Variants in WDR59 observed in about 807,000 individuals in gnomAD.
WDR59 encodes GATOR2 complex protein WDR59.
In WDR59, 100 loss-of-function variants were observed where a neutral mutation model predicts 131.2. The ratio of observed to expected loss-of-function variants is 0.76; its 90% CI spans 0.65 to 0.90. The LOEUF is 0.90. Among genes scored for constraint, WDR59 ranks in the 40% least tolerant of loss-of-function variants. The pLI is 0.00. For missense variants in WDR59, 1,203 were observed against 1,262.2 expected, an observed-to-expected ratio of 0.95 and a Z score of 0.71; for synonymous variants, 601 against 466.2, an observed-to-expected ratio of 1.29 and a Z score of -3.72.
At chr16:74,910,639 A>G (rs1227760460) in intron 14 of WDR59, among the ~76,000 whole-genome samples, 1 of 152,214 alleles carries the variant, frequency 6.6e-6, no homozygotes, top group Non-Finnish European at 1.5e-5. Flanking sequence ...AGTGAAAATT[A>G]TAATGTATAT....
intron 6 of WDR59, among the ~76,000 whole-genome samples, chr16:74,947,456 G>A (rs946667885): frequency 1.3e-5 from 2 of 152,180 alleles, no homozygotes; most frequent in South Asian, 4.1e-4. Context: ...ATGAACTATT[G>A]CTTTAATAAA....
intron 1 of WDR59, among the ~76,000 whole-genome samples, chr16:74,976,723 G>A (rs1165568593): frequency 6.6e-6 from 1 of 152,180 alleles, no homozygotes; most frequent in Admixed American, 6.5e-5. Context: ...TTACAGGTGT[G>A]AGCGACCAAG....
intron 1 of WDR59, among the ~76,000 whole-genome samples, chr16:74,979,910 G>T (rs141414811): frequency 1.5e-5 from 2 of 131,340 alleles, no homozygotes; most frequent in Non-Finnish European, 3.1e-5. Flanking sequence ...GTGCAATGGC[G>T]TGATCTCAGC....
At chr16:74,951,369 C>T in intron 4 of WDR59, 89 bp downstream of exon 4, 2 of 1,284,778 alleles carry the variant, frequency 1.6e-6, no homozygotes, top group Non-Finnish European at 2.2e-6. Flanking sequence ...GACAGTCAAG[C>T]CATGCAAGGA....
At position 74,912,427 on chromosome 16, in the gene WDR59, A is replaced by G. The variant is rs16950145; in HGVS notation, c.1225-65T>C. On this transcript the variant is annotated intron_variant, in intron 13 of 25. Transcript: ENST00000262144. ...ATAAAGCGTCTTTCGATGCAAGCAC[A>G]TTTAACTGAACGCTCCATGTTCCTG... 4,320 of 1,533,136 alleles carry G rather than the reference A, an allele frequency of 2.8e-3. 93 individuals are homozygous for G. In the African/African-American group the frequency reaches 0.05, roughly 18 times the overall value. 95.0% of individuals were successfully genotyped at this position (1,533,136 alleles called of 1,614,324 possible).
At chr16:74,938,483 G>C (rs2031978325) in intron 7 of WDR59, among the ~76,000 whole-genome samples, 1 of 152,136 alleles carries the variant, frequency 6.6e-6, no homozygotes, top group Non-Finnish European at 1.5e-5. Context: ...ATGCGCCTGT[G>C]AGCCTCGTTT....
rs150802196 is a variant in WDR59, at chr16:74,877,334, G to T, written c.2690-2890C>A. ...AGAGGAAAAAAACAACAATTCCAAA[G>T]AAAACTGTTCAGTGACGAAGAAAAT... On this transcript the variant is annotated intron_variant, in intron 25 of 25. Coordinates refer to ENST00000262144, the MANE Select transcript of WDR59 (RefSeq NM_030581.4). Among the ~76,000 whole-genome samples the T allele has an allele frequency of 2.3e-3, 346 of 152,120 alleles. 1 individual carries two copies. Among genetic ancestry groups the T allele is most frequent in the African/African-American group, 7.3e-3 (305 of 41,522 alleles).
chr16:74,884,371 CAG>C (rs1271065074), intron 25 of WDR59, among the ~76,000 whole-genome samples: 1 of 152,202 alleles, frequency 6.6e-6, no homozygotes, highest in African/African-American at 2.4e-5. Context: ...TTTTTTGAGA[CAG>C]AGTCTCGCTC....
chr16:74,941,969 C>T (rs929359121), intron 7 of WDR59, among the ~76,000 whole-genome samples: 1 of 152,180 alleles, frequency 6.6e-6, no homozygotes, highest in African/African-American at 2.4e-5. Flanking sequence ...AGCCCCAGGT[C>T]TCACAGGCAG....
chr16:74,886,862 G>A (rs1217633676), intron 23 of WDR59, among the ~76,000 whole-genome samples: 1 of 152,154 alleles, frequency 6.6e-6, no homozygotes, highest in East Asian at 1.9e-4. Context: ...GGCAGAGGGG[G>A]CAGTGAGCCG....
At chr16:74,875,210 C>T (rs1323616396) in intron 25 of WDR59, among the ~76,000 whole-genome samples, 3 of 152,218 alleles carry the variant, frequency 2.0e-5, no homozygotes, top group Admixed American at 1.3e-4. Context: ...CACCGCCGGG[C>T]GGGGACTGGT....
chr16:74,904,368 T>C (rs184138959), intron 17 of WDR59: 16 of 372,980 alleles, frequency 4.3e-5, no homozygotes, highest in Middle Eastern at 1.6e-3. Flanking sequence ...CCTACAAATA[T>C]CTACTATAGT....
intron 1 of WDR59, among the ~76,000 whole-genome samples, chr16:74,975,049 A>C (rs113519593): frequency 0.045 from 6,796 of 152,274 alleles, 200 homozygotes; most frequent in Middle Eastern, 0.14. Flanking sequence ...AGTAGGCACT[A>C]CTATCCTTGT....
At chr16:74,975,541 G>A (rs562096922) in intron 1 of WDR59, among the ~76,000 whole-genome samples, 7 of 151,908 alleles carry the variant, frequency 4.6e-5, no homozygotes, top group Non-Finnish European at 1.0e-4. Flanking sequence ...GCAGGCGCCT[G>A]TAATCCCAGC....
chr16:74,945,894 C>T (rs990669017), intron 6 of WDR59, among the ~76,000 whole-genome samples: 18 of 151,098 alleles, frequency 1.2e-4, no homozygotes, highest in African/African-American at 2.9e-4. Context: ...TCTCGCTCAC[C>T]GCAACCTCCA....
intron 1 of WDR59, among the ~76,000 whole-genome samples, chr16:74,975,597 G>T (rs533677119): frequency 6.6e-6 from 1 of 151,444 alleles, no homozygotes; most frequent in South Asian, 2.1e-4. Context: ...CTGGGAGGTG[G>T]AGGATGCACT....
chr16:74,928,289 C>CTGTA (rs1237726825), intron 8 of WDR59, among the ~76,000 whole-genome samples: 8 of 147,988 alleles, frequency 5.4e-5, no homozygotes, highest in African/African-American at 1.0e-4. Context: ...TTATGGCTCA[C>CTGTA]TGTAGCCTTG....
intron 18 of WDR59, 73 bp downstream of exon 18, chr16:74,903,874 C>T (rs550643321): frequency 5.9e-6 from 9 of 1,513,088 alleles, no homozygotes; most frequent in East Asian, 4.8e-5. Context: ...CTAGCTGCTG[C>T]GCCAGGCAGG....
At chr16:74,959,411 G>C (rs1199147066) in intron 2 of WDR59, 2 of 361,960 alleles carry the variant, frequency 5.5e-6, no homozygotes, top group Admixed American at 7.2e-5. Context: ...AGCATTAGCA[G>C]CCAACGATCT....
Sources: allele counts gnomAD v4.1 joint callset (sites outside exome capture counted in the v4.1 genomes callset), GRCh38; gene constraint gnomAD v4.1.1; transcripts MANE v1.5; gene names NCBI Gene and HGNC (gene_info 2026-07-23, HGNC 2026-07-21).